Variants in CADM2 observed in about 807,000 individuals in gnomAD.
The protein encoded by CADM2 is cell adhesion molecule 2, also known as immunoglobulin superfamily member 4D.
CADM2 carries 12 observed loss-of-function variants against 49.8 expected under a neutral mutation model. The ratio of observed to expected loss-of-function variants is 0.24; its 90% confidence interval spans 0.15 to 0.39. The LOEUF is 0.39. Ranked by LOEUF, CADM2 falls within the 10% of genes least tolerant of loss-of-function variation. CADM2 has a pLI of 1.00. For synonymous variants in CADM2, 214 were observed against 175.4 expected, an observed-to-expected ratio of 1.22 and a Z score of -1.74; for missense variants, 378 against 492.3, an observed-to-expected ratio of 0.77 and a Z score of 2.20.
chr3:85,484,713 GT>G (rs1475605699), intron 1 of CADM2, among the ~76,000 whole-genome samples: 8 of 151,838 alleles, frequency 5.3e-5, no homozygotes, highest in African/African-American at 1.7e-4. Flanking sequence ...GAGTTTAATT[GT>G]ACAACTTAAA....
At position 85,312,230 on chromosome 3, in the gene CADM2, A is replaced by G. The variant is rs535125341; in HGVS notation, c.61+352562A>G. On this transcript the variant is annotated intron_variant, in intron 1 of 9. Coordinates refer to ENST00000383699, the MANE Select transcript of CADM2 (RefSeq NM_001167675.2). ...GTACCTCATAAAAAAGATAATATCAAGGGCATATGAATTAATTATGATAAT... is the reference window on the plus strand; with the variant it reads ...GTACCTCATAAAAAAGATAATATCAGGGGCATATGAATTAATTATGATAAT... Among the ~76,000 whole-genome samples, 32 of 152,266 alleles carry G rather than the reference A, an allele frequency of 2.1e-4. No homozygotes were observed. The South Asian group carries it at 6.6e-3, about 32-fold the overall frequency.
intron 1 of CADM2, among the ~76,000 whole-genome samples, chr3:85,559,529 C>T (rs1446955931): frequency 6.6e-6 from 1 of 151,906 alleles, no homozygotes; most frequent in African/African-American, 2.4e-5. Flanking sequence ...ATTGCCTTGA[C>T]TAAGTTTGGT....
chr3:85,359,664 A>ATTTTT (rs1434535137), intron 1 of CADM2, among the ~76,000 whole-genome samples: 34 of 30,024 alleles, frequency 1.1e-3, no homozygotes, highest in Middle Eastern at 0.025. Context: ...ATATATATAT[A>ATTTTT]TATTTTTTTT....
At chr3:85,798,696 T>G (rs1577334412) in intron 2 of CADM2, among the ~76,000 whole-genome samples, 1 of 152,076 alleles carries the variant, frequency 6.6e-6, no homozygotes, top group Non-Finnish European at 1.5e-5. Flanking sequence ...TTTAAGTCAG[T>G]TAGTGTGATG....
At chr3:85,509,143 A>G (rs2040493421) in intron 1 of CADM2, among the ~76,000 whole-genome samples, 1 of 152,166 alleles carries the variant, frequency 6.6e-6, no homozygotes, top group African/African-American at 2.4e-5. Context: ...AGACTTTACT[A>G]TTTGACATTT....
At chr3:84,988,371 C>G (rs2032703360) in intron 1 of CADM2, among the ~76,000 whole-genome samples, 1 of 152,216 alleles carries the variant, frequency 6.6e-6, no homozygotes, top group Non-Finnish European at 1.5e-5. Flanking sequence ...CTAATTTGTG[C>G]TATTTTATGT....
At chr3:85,258,549 T>C (rs2042941516) in intron 1 of CADM2, among the ~76,000 whole-genome samples, 1 of 151,580 alleles carries the variant, frequency 6.6e-6, no homozygotes, top group African/African-American at 2.4e-5. Flanking sequence ...GTTGAGTTTC[T>C]AAGCTGTCAG....
chr3:85,188,623 C>G (rs2041124342), intron 1 of CADM2, among the ~76,000 whole-genome samples: 1 of 151,756 alleles, frequency 6.6e-6, no homozygotes, highest in Non-Finnish European at 1.5e-5. Flanking sequence ...CTGTGGGTGT[C>G]AATCAGTATA....
At chr3:85,295,066 T>C (rs1026340609) in intron 1 of CADM2, among the ~76,000 whole-genome samples, 1 of 152,020 alleles carries the variant, frequency 6.6e-6, no homozygotes, top group East Asian at 1.9e-4. Flanking sequence ...ATATCCAGAA[T>C]CTACAATGAA....
At chr3:85,230,022 A>G (rs539251498) in intron 1 of CADM2, among the ~76,000 whole-genome samples, 1 of 152,176 alleles carries the variant, frequency 6.6e-6, no homozygotes, top group Non-Finnish European at 1.5e-5. Context: ...GTCCTTTCCC[A>G]CATTGAACTC....
intron 1 of CADM2, among the ~76,000 whole-genome samples, chr3:85,403,447 T>C (rs2035217032): frequency 6.6e-6 from 1 of 152,138 alleles, no homozygotes; most frequent in Non-Finnish European, 1.5e-5. Flanking sequence ...TGTTCATTTT[T>C]TCTTGTAACA....
At chr3:85,086,509 C>CTTT (rs61269529) in intron 1 of CADM2, among the ~76,000 whole-genome samples, 1 of 102,328 alleles carries the variant, frequency 9.8e-6, no homozygotes, top group African/African-American at 4.0e-5. Context: ...CAAGAATAAA[C>CTTT]TTTTTTTTTT....
At chr3:86,009,085 G>A (rs1231346015) in intron 8 of CADM2, among the ~76,000 whole-genome samples, 2 of 137,922 alleles carry the variant, frequency 1.5e-5, no homozygotes, top group South Asian at 2.3e-4. Context: ...TCCAGACTTG[G>A]TGTTATAGTG....
chr3:85,315,754 A>T (rs1000759737), intron 1 of CADM2, among the ~76,000 whole-genome samples: 7 of 152,312 alleles, frequency 4.6e-5, no homozygotes, highest in Non-Finnish European at 1.0e-4. Context: ...TATCTATTTC[A>T]TTTAATATCA....
intron 1 of CADM2, among the ~76,000 whole-genome samples, chr3:84,994,515 A>C (rs2107189647): frequency 6.6e-6 from 1 of 152,148 alleles, no homozygotes; most frequent in East Asian, 1.9e-4. Context: ...AGGTAGGTAA[A>C]ATTTCCTCAA....
At chr3:85,258,443 C>T (rs1324907522) in intron 1 of CADM2, among the ~76,000 whole-genome samples, 1 of 151,804 alleles carries the variant, frequency 6.6e-6, no homozygotes, top group Non-Finnish European at 1.5e-5. Context: ...CACACCTTTC[C>T]TTTTCCAGTG....
chr3:86,006,871 T>C (rs1262508877), intron 8 of CADM2, among the ~76,000 whole-genome samples: 1 of 151,722 alleles, frequency 6.6e-6, no homozygotes. Flanking sequence ...TGAAACCCCA[T>C]CTCTACTTAA....
intron 1 of CADM2, among the ~76,000 whole-genome samples, chr3:85,525,475 CA>C (rs2061140628): frequency 6.6e-6 from 1 of 151,976 alleles, no homozygotes; most frequent in Non-Finnish European, 1.5e-5. Context: ...TGACTATTTC[CA>C]GCTTTCTTCT....
intron 3 of CADM2, among the ~76,000 whole-genome samples, chr3:85,806,380 G>A (rs1008053749): frequency 1.3e-5 from 2 of 152,116 alleles, no homozygotes; most frequent in Admixed American, 6.5e-5. Flanking sequence ...GAGGCATCCC[G>A]TAGCATTTCA....
Sources: allele counts gnomAD v4.1 joint callset (sites outside exome capture counted in the v4.1 genomes callset), GRCh38; gene constraint gnomAD v4.1.1; transcripts MANE v1.5; gene names NCBI Gene and HGNC (gene_info 2026-07-23, HGNC 2026-07-21).